The following ATF2 variants were observed in gnomAD, a reference collection of about 807,000 sequenced individuals.
ATF2 encodes the protein cyclic AMP-dependent transcription factor ATF-2.
In ATF2, 24 loss-of-function variants were observed where a neutral mutation model predicts 60.6. That is an observed-to-expected ratio of 0.40 (90% CI 0.29 to 0.56). The LOEUF is 0.56. ATF2 is among the 20% of genes least tolerant of loss of function. ATF2 has a pLI of 0.54. For missense variants in ATF2, 433 were observed against 607.7 expected (o/e 0.71, Z 3.02); for synonymous variants, 206 against 215.4 (o/e 0.96, Z 0.38).
At chr2:175,080,458 GC>G (rs1241314828) in intron 13 of ATF2, 1 of 381,376 alleles carries the variant, frequency 2.6e-6, no homozygotes, top group African/African-American at 2.1e-5. Context: ...TAGGAAAAAA[GC>G]TAGAAACAGG....
At chr2:175,155,763 T>G (rs1314400169) in intron 1 of ATF2, among the ~76,000 whole-genome samples, 1 of 152,198 alleles carries the variant, frequency 6.6e-6, no homozygotes, top group East Asian at 1.9e-4. Context: ...CTTCCAACTG[T>G]GAAATGAATT....
intron 7 of ATF2, among the ~76,000 whole-genome samples, chr2:175,115,817 T>C (rs13383680): frequency 0.056 from 8,517 of 152,184 alleles, 273 homozygotes; most frequent in East Asian, 0.12. Flanking sequence ...ATACGTGCAA[T>C]GTAACAAAGG....
chr2:175,076,333 A>G (rs1461481015), intron 13 of ATF2, among the ~76,000 whole-genome samples: 1 of 152,128 alleles, frequency 6.6e-6, no homozygotes, highest in Non-Finnish European at 1.5e-5. Flanking sequence ...CTCAAGGTAC[A>G]ATAAAACAAC....
chr2:175,148,462 C>G (rs1274690045), intron 2 of ATF2, among the ~76,000 whole-genome samples: 1 of 152,062 alleles, frequency 6.6e-6, no homozygotes, highest in East Asian at 1.9e-4. Flanking sequence ...GGACTGTAAA[C>G]CAAAAATAAA....
chr2:175,101,627 G>A (rs1695319187), intron 10 of ATF2, among the ~76,000 whole-genome samples: 1 of 152,170 alleles, frequency 6.6e-6, no homozygotes, highest in South Asian at 2.1e-4. Flanking sequence ...ACTGCACATA[G>A]GGGAGCCTGA....
intron 10 of ATF2, among the ~76,000 whole-genome samples, chr2:175,101,350 G>A (rs951957135): frequency 1.3e-5 from 2 of 152,004 alleles, no homozygotes; most frequent in African/African-American, 4.8e-5. Flanking sequence ...TTGGGAGGTC[G>A]CCAGTCTGCA....
intron 2 of ATF2, among the ~76,000 whole-genome samples, chr2:175,149,585 C>A (rs1201888917): frequency 6.6e-6 from 1 of 152,132 alleles, no homozygotes; most frequent in Non-Finnish European, 1.5e-5. Flanking sequence ...AAAACTGGCA[C>A]AAGCTACTGC....
chr2:175,121,690 A>G (rs1256172857), intron 4 of ATF2, 150 bp from the exon 5 acceptor site: 1 of 549,674 alleles, frequency 1.8e-6, no homozygotes, highest in African/African-American at 2.0e-5. Context: ...TATTGTTAGT[A>G]GATAGCACAC....
At chr2:175,113,021 G>A (rs1259514944) in intron 9 of ATF2, among the ~76,000 whole-genome samples, 1 of 150,572 alleles carries the variant, frequency 6.6e-6, no homozygotes, top group African/African-American at 2.5e-5. Context: ...GATTTCCAGG[G>A]AGAGAATAAT....
Position 175,107,712 on chromosome 2 carries a change from C to T in ATF2, c.828+3856G>A, listed in dbSNP as rs1008098020. Among the ~76,000 whole-genome samples, 5 of 152,208 alleles carry T rather than the reference C, an allele frequency of 3.3e-5. No homozygotes were observed. The South Asian group carries it at 6.2e-4, about 19-fold the overall frequency. On this transcript the variant is annotated intron_variant, in intron 10 of 13. Coordinates refer to ENST00000264110, the MANE Select transcript of ATF2 (RefSeq NM_001880.4). Reference sequence around the variant, plus strand: ...GGCCGAGTGCCTGCGATTGCAGGCGCGCGCCGCCACGCCTGACTGGTTTTC... The same window carrying T: ...GGCCGAGTGCCTGCGATTGCAGGCGTGCGCCGCCACGCCTGACTGGTTTTC...
chr2:175,113,481 T>C (rs1696344702), intron 9 of ATF2, among the ~76,000 whole-genome samples: 1 of 152,168 alleles, frequency 6.6e-6, no homozygotes, highest in African/African-American at 2.4e-5. Context: ...TCAAAATTTA[T>C]ATATTTAACA....
Position 175,120,946 on chromosome 2 carries a change from T to C in ATF2, c.199+498A>G, listed in dbSNP as rs1022003344. Among the ~76,000 whole-genome samples, 4 of 151,726 alleles carry C rather than the reference T, an allele frequency of 2.6e-5. 1 individual carries two copies. The highest frequency in any genetic ancestry group is 5.9e-5 in the Non-Finnish European group (4 of 67,734). ...ATAGTGTCAACACACAAAAACTGCA[T>C]TGACTGAATTTAGAGCCTCCTTACT... On this transcript the variant is annotated intron_variant, in intron 5 of 13. Coordinates refer to ENST00000264110, the MANE Select transcript of ATF2 (RefSeq NM_001880.4).
At chr2:175,099,459 C>T (rs936359178) in intron 10 of ATF2, among the ~76,000 whole-genome samples, 8 of 152,128 alleles carry the variant, frequency 5.3e-5, no homozygotes, top group African/African-American at 1.7e-4. Flanking sequence ...AATCAGGATA[C>T]ACAGCAGTTT....
At chr2:175,077,502 C>T (rs1354036692) in intron 13 of ATF2, among the ~76,000 whole-genome samples, 1 of 152,144 alleles carries the variant, frequency 6.6e-6, no homozygotes, top group Non-Finnish European at 1.5e-5. Flanking sequence ...AACTTCACCA[C>T]TATTCTTTAA....
chr2:175,142,413 C>T (rs1698608923), intron 2 of ATF2, among the ~76,000 whole-genome samples: 1 of 152,080 alleles, frequency 6.6e-6, no homozygotes, highest in Non-Finnish European at 1.5e-5. Flanking sequence ...AGGTGATCCA[C>T]GCCTTGGCCT....
At chr2:175,153,828 C>A (rs1199708794) in intron 1 of ATF2, among the ~76,000 whole-genome samples, 1 of 77,306 alleles carries the variant, frequency 1.3e-5, no homozygotes, top group African/African-American at 4.0e-5. Context: ...CGAGACTCTG[C>A]CTCAAAGAAA....
At chr2:175,085,599 A>ACACACACACACAC (rs1553501577) in intron 12 of ATF2, among the ~76,000 whole-genome samples, 1 of 110,330 alleles carries the variant, frequency 9.1e-6, no homozygotes, top group East Asian at 2.4e-4. Context: ...CACACACACA[A>ACACACACACACAC]ATTCTCTCTT....
chr2:175,143,685 TA>T (rs987126072), intron 2 of ATF2, among the ~76,000 whole-genome samples: 2 of 152,030 alleles, frequency 1.3e-5, no homozygotes, highest in South Asian at 2.1e-4. Context: ...GTCATATTAG[TA>T]AAAAAAACTA....
intron 1 of ATF2, among the ~76,000 whole-genome samples, chr2:175,162,686 T>C (rs1023883940): frequency 1.3e-5 from 2 of 152,130 alleles, no homozygotes; most frequent in African/African-American, 2.4e-5. Context: ...AAAAATACAA[T>C]GCTATAAAAG....
Sources: gnomAD v4.1 joint callset for allele counts (sites outside exome capture counted in the v4.1 genomes callset) on GRCh38, gnomAD v4.1.1 for gene constraint, MANE v1.5 for transcripts, NCBI Gene and HGNC (gene_info 2026-07-23, HGNC 2026-07-21) for gene names.